Variants in FHIT observed in about 807,000 individuals in gnomAD.
The protein encoded by FHIT is bis(5'-adenosyl)-triphosphatase.
In FHIT, 19 loss-of-function variants were observed where a neutral mutation model predicts 17.9. The ratio of observed to expected loss-of-function variants is 1.06; its 90% CI spans 0.74 to 1.56. The LOEUF is 1.56. Ranked by LOEUF, FHIT falls within the 40% of genes most tolerant of loss-of-function variation. The pLI is 0.00. For synonymous variants in FHIT, 81 were observed against 69.7 expected (o/e 1.16, Z -0.81); for missense variants, 248 against 189.2 (o/e 1.31, Z -1.82).
chr3:59,973,591 T>C (rs755460729), intron 7 of FHIT, among the ~76,000 whole-genome samples: 1 of 152,132 alleles, frequency 6.6e-6, no homozygotes, highest in Non-Finnish European at 1.5e-5. Context: ...GTCTTCTTTA[T>C]AGCATAAAGA....
At chr3:61,181,166 T>C (rs1040455326) in intron 2 of FHIT, among the ~76,000 whole-genome samples, 2 of 152,172 alleles carry the variant, frequency 1.3e-5, no homozygotes, top group Non-Finnish European at 2.9e-5. Flanking sequence ...TTGTTCTTTG[T>C]CAACGGAAAG....
At chr3:61,111,023 T>C (rs562281225) in intron 2 of FHIT, among the ~76,000 whole-genome samples, 1 of 152,326 alleles carries the variant, frequency 6.6e-6, no homozygotes, top group South Asian at 2.1e-4. Flanking sequence ...AAACATTTTA[T>C]ACTGAATTTT....
intron 5 of FHIT, among the ~76,000 whole-genome samples, chr3:60,378,874 T>C (rs572964835): frequency 1.4e-3 from 209 of 152,180 alleles, no homozygotes; most frequent in Non-Finnish European, 2.5e-3. Context: ...TAAAGTAAGG[T>C]GAAAAAAGAT....
At chr3:60,860,120 A>T (rs62249336) in intron 3 of FHIT, among the ~76,000 whole-genome samples, 88,894 of 101,392 alleles carry the variant, frequency 0.88, 40,637 homozygotes, top group Non-Finnish European at 0.95. Context: ...ATGATATATA[A>T]ATGATATATC....
rs371010331 is a variant in FHIT, at chr3:61,178,412, G to A, written c.-164+22205C>T. On this transcript the variant is annotated intron_variant, in intron 2 of 9. Coordinates refer to ENST00000492590, the MANE Select transcript of FHIT (RefSeq NM_002012.4). ...GGTTAGTTTGGATTTGACAGGGTGA[G>A]GTGGTGGGCATTGGGGATAAGAGGT... 4.0e-5 allele frequency among the ~76,000 whole-genome samples: 6 copies of A among 151,460 alleles called. No individual in the cohort carries two copies. The East Asian group carries it at 9.7e-4, about 25-fold the overall frequency.
intron 5 of FHIT, among the ~76,000 whole-genome samples, chr3:60,083,939 T>A (rs1576061439): frequency 6.6e-6 from 1 of 152,234 alleles, no homozygotes. Context: ...ATTAAGCTAT[T>A]GCCTCAGCAT....
rs149625690 is a variant in FHIT at position 60,310,809 on chromosome 3, C to T, written c.103+226051G>A. Among the ~76,000 whole-genome samples the T allele has an allele frequency of 3.4e-4, 52 of 152,234 alleles. 1 individual carries two copies. The highest frequency in any genetic ancestry group is 1.2e-3 in the African/African-American group (51 of 41,566). ...ACATGGTCCAAGAATTAGATGAGTACAGGGGACAACTGTGTATGCCCCAGA... is the reference window on the plus strand; with the variant it reads ...ACATGGTCCAAGAATTAGATGAGTATAGGGGACAACTGTGTATGCCCCAGA... On this transcript the variant is annotated intron_variant, in intron 5 of 9. Coordinates refer to ENST00000492590, the MANE Select transcript of FHIT (RefSeq NM_002012.4).
chr3:60,301,195 CAAGTA>C (rs1708446979), intron 5 of FHIT, among the ~76,000 whole-genome samples: 1 of 152,050 alleles, frequency 6.6e-6, no homozygotes, highest in Admixed American at 6.6e-5. Flanking sequence ...TTATAGTCAA[CAAGTA>C]AATAATATTT....
At chr3:60,916,737 C>T (rs1349135721) in intron 3 of FHIT, among the ~76,000 whole-genome samples, 2 of 152,180 alleles carry the variant, frequency 1.3e-5, no homozygotes, top group Non-Finnish European at 2.9e-5. Flanking sequence ...TTCCAGCATT[C>T]TCGCCAAGTG....
chr3:60,313,525 C>A (rs114831469), intron 5 of FHIT, among the ~76,000 whole-genome samples: 2,099 of 152,186 alleles, frequency 0.014, 50 homozygotes, highest in Non-Finnish European at 0.016. Flanking sequence ...TTAGTTCAAA[C>A]CCTGTCACTT....
chr3:60,860,550 TATGTATC>T (rs1226963652), intron 3 of FHIT, among the ~76,000 whole-genome samples: 1 of 17,290 alleles, frequency 5.8e-5, no homozygotes, highest in Non-Finnish European at 2.5e-4. Context: ...ATATGATACA[TATGTATC>T]ATATATCAGG....
At chr3:60,163,013 G>A (rs879346756) in intron 5 of FHIT, among the ~76,000 whole-genome samples, 3 of 152,158 alleles carry the variant, frequency 2.0e-5, no homozygotes, top group Non-Finnish European at 4.4e-5. Context: ...TTCTAACAAA[G>A]GTCCTAGTTT....
chr3:61,027,163 G>GGC (rs1240399876), intron 3 of FHIT, among the ~76,000 whole-genome samples: 3 of 151,774 alleles, frequency 2.0e-5, no homozygotes, highest in Non-Finnish European at 4.4e-5. Context: ...CTTGGCTCAC[G>GGC]GCAACCTCTG....
chr3:60,458,601 A>G lies in FHIT; in HGVS notation c.103+78259T>C, dbSNP rs188317911. On this transcript the variant is annotated intron_variant, in intron 5 of 9. Transcript: ENST00000492590. Reference sequence around the variant, plus strand: ...CTTAAAGTGTAATAATAATAATAATAATAAAAGAAATCACCGTTATATATT... The same window carrying G: ...CTTAAAGTGTAATAATAATAATAATGATAAAAGAAATCACCGTTATATATT... Among the ~76,000 whole-genome samples the G allele has an allele frequency of 2.3e-3, 356 of 151,776 alleles. 7 individuals are homozygous for G. Among genetic ancestry groups the G allele is most frequent in the Middle Eastern group, 0.014 (4 of 294 alleles).
At chr3:60,860,438 C>CATATGTACATATAT (rs1478989632) in intron 3 of FHIT, among the ~76,000 whole-genome samples, 1 of 122,800 alleles carries the variant, frequency 8.1e-6, no homozygotes, top group South Asian at 2.4e-4. Flanking sequence ...ACATATATAT[C>CATATGTACATATAT]ATGTATATAT....
At chr3:60,052,914 AT>A (rs1261108355) in intron 5 of FHIT, among the ~76,000 whole-genome samples, 1 of 151,916 alleles carries the variant, frequency 6.6e-6, no homozygotes, top group African/African-American at 2.4e-5. Context: ...AGAAAGTCAA[AT>A]TTATGGCAGT....
At chr3:60,190,488 C>G (rs958555158) in intron 5 of FHIT, among the ~76,000 whole-genome samples, 1 of 152,074 alleles carries the variant, frequency 6.6e-6, no homozygotes, top group Non-Finnish European at 1.5e-5. Flanking sequence ...GTGGCTCACA[C>G]CTGTAATCCC....
At chr3:60,363,378 A>T (rs1287932570) in intron 5 of FHIT, among the ~76,000 whole-genome samples, 1 of 152,168 alleles carries the variant, frequency 6.6e-6, no homozygotes, top group African/African-American at 2.4e-5. Context: ...TTCAAAACAA[A>T]TCTAATCACC....
intron 5 of FHIT, among the ~76,000 whole-genome samples, chr3:60,366,990 T>C (rs959289488): frequency 6.6e-6 from 1 of 152,232 alleles, no homozygotes; most frequent in African/African-American, 2.4e-5. Flanking sequence ...CTTGAGATTC[T>C]ACTTTGCCCC....
Sources: allele counts gnomAD v4.1 joint callset (sites outside exome capture counted in the v4.1 genomes callset), GRCh38; gene constraint gnomAD v4.1.1; transcripts MANE v1.5; gene names NCBI Gene and HGNC (gene_info 2026-07-23, HGNC 2026-07-21).